The following MAN2A1 variants were observed in gnomAD, a reference collection of about 807,000 sequenced individuals.
MAN2A1 encodes the protein alpha-mannosidase 2.
A neutral mutation model predicts 142.6 loss-of-function variants in MAN2A1; 76 were observed. The observed-to-expected ratio is 0.53, with a 90% CI of 0.44 to 0.65. The LOEUF is 0.65. Among genes scored for constraint, MAN2A1 ranks in the 30% least tolerant of loss-of-function variants. MAN2A1 has a pLI of 0.00. For missense variants in MAN2A1, 1,311 were observed against 1,365.1 expected, an observed-to-expected ratio of 0.96 and a Z score of 0.62; for synonymous variants, 559 against 473.2, an observed-to-expected ratio of 1.18 and a Z score of -2.35.
At chr5:109,721,735 A>G (rs1751610066) in intron 3 of MAN2A1, among the ~76,000 whole-genome samples, 2 of 152,328 alleles carry the variant, frequency 1.3e-5, no homozygotes, top group South Asian at 4.1e-4. Context: ...TGAGGAGCAC[A>G]TATGTTAAGC....
chr5:109,835,294 A>G (rs1372479941), intron 16 of MAN2A1, among the ~76,000 whole-genome samples: 1 of 152,222 alleles, frequency 6.6e-6, no homozygotes, highest in Non-Finnish European at 1.5e-5. Context: ...TTATTATCCT[A>G]CTTCTGCAAC....
chr5:109,797,203 C>T (rs1489531843), intron 12 of MAN2A1, among the ~76,000 whole-genome samples: 1 of 152,032 alleles, frequency 6.6e-6, no homozygotes. Context: ...CATGAAGACT[C>T]AGAAGTGTAG....
intron 3 of MAN2A1, among the ~76,000 whole-genome samples, chr5:109,723,118 A>G (rs1218812644): frequency 1.3e-5 from 2 of 152,188 alleles, no homozygotes; most frequent in East Asian, 3.9e-4. Context: ...TTGTACGTAT[A>G]GGGCTGCAGG....
intron 4 of MAN2A1, among the ~76,000 whole-genome samples, chr5:109,751,449 G>T (rs1018926424): frequency 6.6e-6 from 1 of 152,048 alleles, no homozygotes; most frequent in Non-Finnish European, 1.5e-5. Context: ...GAATAGTGCT[G>T]CAATAAACAT....
At chr5:109,864,396 T>G (rs1281896521) in intron 20 of MAN2A1, 1 of 152,192 alleles carries the variant, frequency 6.6e-6, no homozygotes, top group Non-Finnish European at 1.5e-5. Flanking sequence ...ACTTGTCATG[T>G]TTAGTATTTT....
intron 1 of MAN2A1, among the ~76,000 whole-genome samples, chr5:109,707,482 G>A (rs12656763): frequency 0.17 from 25,901 of 152,004 alleles, 3,207 homozygotes; most frequent in East Asian, 0.64. Flanking sequence ...CAGCTATGGT[G>A]CCTGTTGTCA....
At chr5:109,778,878 C>T (rs553458882) in intron 8 of MAN2A1, among the ~76,000 whole-genome samples, 1 of 152,170 alleles carries the variant, frequency 6.6e-6, no homozygotes, top group South Asian at 2.1e-4. Flanking sequence ...TAACTGAGTT[C>T]AGATGGCTGA....
chr5:109,690,166 G>A lies in MAN2A1; in HGVS notation c.-252G>A. 1 of 458,450 alleles carries A rather than the reference G, an allele frequency of 2.2e-6. No homozygotes were observed. Among genetic ancestry groups the A allele is most frequent in the Non-Finnish European group, 4.0e-6 (1 of 252,070 alleles). 28.4% of individuals were successfully genotyped at this position (458,450 alleles called of 1,614,324 possible). On this transcript the variant is annotated 5_prime_UTR_variant, in exon 1 of 22. Coordinates refer to ENST00000261483, the MANE Select transcript of MAN2A1 (RefSeq NM_002372.4). ...AAGTTTGTGGGGGCCCCCCTTCCCA[G>A]TTGCCGGCGAGTCTCGCCTCGAGAG...
chr5:109,834,772 C>T (rs993000237), intron 16 of MAN2A1, among the ~76,000 whole-genome samples: 8 of 152,026 alleles, frequency 5.3e-5, no homozygotes, highest in African/African-American at 1.9e-4. Flanking sequence ...AATTTGTATT[C>T]ATGAAAGCAG....
chr5:109,819,609 G>T lies in MAN2A1; in HGVS notation c.2110-60G>T, dbSNP rs868390128. On this transcript the variant is annotated intron_variant, in intron 13 of 21. Coordinates refer to ENST00000261483, the MANE Select transcript of MAN2A1 (RefSeq NM_002372.4). ...TGTTGGTTTTACCAAAAATATAAAT[G>T]GTTTGCCTCTCAGTAGATAACATTT... The T allele has an allele frequency of 4.0e-6, 4 of 988,260 alleles. No homozygotes were observed. In the South Asian group the frequency reaches 6.5e-5, roughly 16 times the overall value. 61.2% of individuals were successfully genotyped at this position (988,260 alleles called of 1,614,324 possible).
At chr5:109,713,495 G>T (rs1414925288) in intron 1 of MAN2A1, 25 bp from the exon 2 acceptor site, 5 of 1,566,306 alleles carry the variant, frequency 3.2e-6, no homozygotes, top group Non-Finnish European at 3.5e-6. Flanking sequence ...ATTTCATATA[G>T]CTGCCTTTTT....
intron 12 of MAN2A1, among the ~76,000 whole-genome samples, chr5:109,799,687 G>T (rs1753962671): frequency 6.6e-6 from 1 of 151,848 alleles, no homozygotes. Context: ...CCATGAGGTG[G>T]AGGTTGTGGT....
intron 1 of MAN2A1, among the ~76,000 whole-genome samples, chr5:109,712,138 G>A (rs563337552): frequency 3.1e-4 from 46 of 150,538 alleles, no homozygotes; most frequent in African/African-American, 1.1e-3. Context: ...CAGTCTCTTC[G>A]GACTTCTGCC....
intron 10 of MAN2A1, among the ~76,000 whole-genome samples, chr5:109,787,520 T>C (rs1040090734): frequency 1.7e-4 from 26 of 152,178 alleles, no homozygotes; most frequent in Middle Eastern, 3.4e-3. Context: ...TTTTGTTTTG[T>C]TTTAAGCAAA....
chr5:109,802,862 T>A (rs1200481296), intron 12 of MAN2A1, among the ~76,000 whole-genome samples: 2 of 152,136 alleles, frequency 1.3e-5, no homozygotes, highest in Admixed American at 6.5e-5. Context: ...GATTTATCGT[T>A]CTATTCTTGC....
chr5:109,865,204 C>A, intron 21 of MAN2A1, 58 bp downstream of exon 21: 1 of 1,192,996 alleles, frequency 8.4e-7, no homozygotes, highest in Non-Finnish European at 1.2e-6. Context: ...CCTCTTTCTG[C>A]AAAGGATCTT....
rs373478565 is a variant in MAN2A1, at chr5:109,713,644, C to T, written c.260C>T (p.Pro87Leu). The T allele has an allele frequency of 2.5e-5, 40 of 1,614,146 alleles. No homozygotes were observed. Among genetic ancestry groups the T allele is most frequent in the Non-Finnish European group, 3.3e-5 (39 of 1,180,032 alleles). ...TTGAGTGAGTCTGTGGAGGATGGTCCGAAAAGTTCACAAAGCAATTTCAGC... is the reference window on the plus strand; with the variant it reads ...TTGAGTGAGTCTGTGGAGGATGGTCTGAAAAGTTCACAAAGCAATTTCAGC... ...INLSESVEDG[P>L]KSSQSNFSQG... The change falls in exon 2 of 22, where the codon CCG becomes CTG. Residue 87 changes from proline to leucine, a missense_variant. Physicochemically the swap from Pro to Leu is moderately conservative, Grantham distance 98 (BLOSUM62 -3). Transcript: ENST00000261483.
At chr5:109,740,385 C>T (rs543923864) in intron 4 of MAN2A1, among the ~76,000 whole-genome samples, 60 of 152,292 alleles carry the variant, frequency 3.9e-4, no homozygotes, top group Admixed American at 2.1e-3. Context: ...GGCTGGCTTT[C>T]TCCCTCTAGC....
intron 8 of MAN2A1, 64 bp from the exon 9 acceptor site, chr5:109,781,332 C>A: frequency 1.2e-6 from 1 of 853,752 alleles, no homozygotes; most frequent in Non-Finnish European, 1.8e-6. Context: ...CTTTCCCTAA[C>A]AGTGTAAGAA....
Sources: gnomAD v4.1 joint callset for allele counts (sites outside exome capture counted in the v4.1 genomes callset) on GRCh38, gnomAD v4.1.1 for gene constraint, MANE v1.5 for transcripts, NCBI Gene and HGNC (gene_info 2026-07-23, HGNC 2026-07-21) for gene names.